Variants in MARK3 observed in about 807,000 individuals in gnomAD.
MARK3 encodes the protein MAP/microtubule affinity-regulating kinase 3.
A neutral mutation model predicts 90.1 loss-of-function variants in MARK3; 46 were observed. The observed-to-expected ratio is 0.51, with a 90% CI of 0.40 to 0.65. The LOEUF (loss-of-function observed/expected upper bound fraction) is 0.65, where lower values mean the gene tolerates loss of function less well. Among genes scored for constraint, MARK3 ranks in the 30% least tolerant of loss-of-function variants. MARK3 has a pLI of 0.00. For synonymous variants in MARK3, 321 were observed against 332.6 expected, an observed-to-expected ratio of 0.97 and a Z score of 0.38; for missense variants, 818 against 947.2, an observed-to-expected ratio of 0.86 and a Z score of 1.79.
chr14:103,491,633 A>T, intron 14 of MARK3, 144 bp from the exon 15 acceptor site: 16 of 763,260 alleles, frequency 2.1e-5, no homozygotes. Flanking sequence ...CACTTAACTT[A>T]CCTTTTGCTC....
At chr14:103,392,866 A>AG (rs1408550722) in intron 1 of MARK3, among the ~76,000 whole-genome samples, 4 of 151,764 alleles carry the variant, frequency 2.6e-5, no homozygotes, top group Non-Finnish European at 5.9e-5. Flanking sequence ...GCTGGAGTGC[A>AG]GTGGCACGAT....
chr14:103,495,829 C>G (rs2075308276), intron 15 of MARK3, among the ~76,000 whole-genome samples: 1 of 152,180 alleles, frequency 6.6e-6, no homozygotes, highest in African/African-American at 2.4e-5. Flanking sequence ...AAAATCCTTG[C>G]TAGAGTGGTT....
chr14:103,386,093 G>T lies in MARK3; in HGVS notation c.51+13G>T. 6.2e-7 allele frequency: 1 copy of T among 1,614,018 alleles called. No homozygotes were observed. The highest frequency in any genetic ancestry group is 1.6e-4 in the Middle Eastern group (1 of 6,062). On this transcript the variant is annotated intron_variant, in intron 1 of 17. Transcript: ENST00000429436. Reference sequence around the variant, plus strand: ...AGACACTGAAAACGTAAGTAACCTGGGCGTTGTAGTTGGCGGACCTTCGGG... The same window carrying T: ...AGACACTGAAAACGTAAGTAACCTGTGCGTTGTAGTTGGCGGACCTTCGGG...
At chr14:103,411,231 A>C (rs2091612854) in intron 2 of MARK3, among the ~76,000 whole-genome samples, 1 of 152,216 alleles carries the variant, frequency 6.6e-6, no homozygotes, top group Non-Finnish European at 1.5e-5. Flanking sequence ...CTGAGACTGC[A>C]TCACTGCACT....
chr14:103,503,291 T>G lies in MARK3; in HGVS notation c.*64T>G. ...GTTTTCCTGAACACTGATGGAAATG[T>G]ATAGAATAATATTTAGGCAATAACG... On this transcript the variant is annotated 3_prime_UTR_variant, in exon 18 of 18. Transcript: ENST00000429436. 3.8e-6 allele frequency: 5 copies of G among 1,300,564 alleles called. No individual in the cohort carries two copies. Among genetic ancestry groups the G allele is most frequent in the Non-Finnish European group, 5.4e-6 (5 of 932,770 alleles). The allele number at this position is 1,300,564 out of a possible 1,614,324, so 80.6% of individuals were successfully genotyped here. A position where few individuals can be genotyped will look rare whatever the true frequency, so the allele number is the denominator to read the frequency against.
chr14:103,465,382 T>C (rs1295780992), intron 7 of MARK3, among the ~76,000 whole-genome samples, 175 bp from the exon 8 acceptor site: 1 of 152,224 alleles, frequency 6.6e-6, no homozygotes, highest in Non-Finnish European at 1.5e-5. Flanking sequence ...GTTAATATTA[T>C]AAAATAAGGA....
rs568549774 is a variant in MARK3 at position 103,449,054 on chromosome 14, A to G, written c.346+87A>G. 223 of 1,329,310 alleles carry G rather than the reference A, an allele frequency of 1.7e-4. 2 individuals are homozygous for G. In the East Asian group the frequency reaches 5.3e-3, roughly 32 times the overall value. 82.3% of individuals were successfully genotyped at this position (1,329,310 alleles called of 1,614,324 possible). Reference sequence around the variant, plus strand: ...GCTAAACACGTATTCTAGAAATGGTAGAGTACACTTCTAGTAAAATATATA... The same window carrying G: ...GCTAAACACGTATTCTAGAAATGGTGGAGTACACTTCTAGTAAAATATATA... On this transcript the variant is annotated intron_variant, in intron 4 of 17. Transcript: ENST00000429436.
rs1389616518 is a variant in MARK3 at position 103,405,414 on chromosome 14, G to C, written c.243+147G>C. 1.4e-5 allele frequency: 8 copies of C among 555,176 alleles called. No individual in the cohort carries two copies. In the African/African-American group the frequency reaches 1.6e-4, roughly 11 times the overall value. 34.4% of individuals were successfully genotyped at this position (555,176 alleles called of 1,614,324 possible). Reference sequence around the variant, plus strand: ...CACCCAGGCTGGAGTGCAGTGGCATGATCTCAGCTCACTGCAAACTCTGCC... The same window carrying C: ...CACCCAGGCTGGAGTGCAGTGGCATCATCTCAGCTCACTGCAAACTCTGCC... On this transcript the variant is annotated intron_variant, in intron 2 of 17. Coordinates refer to ENST00000429436, the MANE Select transcript of MARK3 (RefSeq NM_001128918.3).
At chr14:103,448,010 T>C (rs544785326) in intron 3 of MARK3, among the ~76,000 whole-genome samples, 161 of 152,312 alleles carry the variant, frequency 1.1e-3, no homozygotes, top group Non-Finnish European at 1.6e-3. Flanking sequence ...TGAGCTCAAG[T>C]GATCCACCCA....
At chr14:103,435,700 G>A (rs1161548238) in intron 3 of MARK3, among the ~76,000 whole-genome samples, 21 of 151,804 alleles carry the variant, frequency 1.4e-4, no homozygotes, top group Non-Finnish European at 2.9e-5. Context: ...GAGCCACCAC[G>A]CCCGGCCTAT....
intron 2 of MARK3, among the ~76,000 whole-genome samples, chr14:103,422,937 G>A (rs1231547264): frequency 6.6e-6 from 1 of 152,070 alleles, no homozygotes; most frequent in Non-Finnish European, 1.5e-5. Flanking sequence ...CTTTATAGAA[G>A]GTTAAGTGAA....
At chr14:103,458,935 C>T in intron 6 of MARK3, 2 of 443,048 alleles carry the variant, frequency 4.5e-6, no homozygotes, top group Non-Finnish European at 8.0e-6. Flanking sequence ...TTCTCTGATC[C>T]TGTTTTTAAA....
intron 1 of MARK3, among the ~76,000 whole-genome samples, chr14:103,386,866 A>G (rs1287076647): frequency 6.6e-6 from 1 of 152,172 alleles, no homozygotes. Flanking sequence ...GGAACCTTTG[A>G]TTTTGTTCAT....
chr14:103,414,291 C>T (rs1205406018), intron 2 of MARK3, among the ~76,000 whole-genome samples: 1 of 151,790 alleles, frequency 6.6e-6, no homozygotes, highest in Non-Finnish European at 1.5e-5. Flanking sequence ...CCGCAACCTC[C>T]ACCTCCCAGG....
intron 1 of MARK3, among the ~76,000 whole-genome samples, chr14:103,399,699 CAA>C (rs34202093): frequency 4.7e-5 from 4 of 84,320 alleles, no homozygotes; most frequent in Admixed American, 1.3e-4. Context: ...GACTCCATCT[CAA>C]AAAAAAAAAA....
intron 1 of MARK3, among the ~76,000 whole-genome samples, chr14:103,388,131 A>G (rs532998684): frequency 6.6e-6 from 1 of 152,178 alleles, no homozygotes; most frequent in South Asian, 2.1e-4. Flanking sequence ...GGGTTTCTCC[A>G]TGTTGGTCGT....
chr14:103,457,638 GTT>G (rs2093303885), intron 6 of MARK3, among the ~76,000 whole-genome samples: 1 of 152,140 alleles, frequency 6.6e-6, no homozygotes, highest in Non-Finnish European at 1.5e-5. Context: ...TTCTTGCTTT[GTT>G]TTTACTCTGC....
chr14:103,407,073 G>A (rs988167695), intron 2 of MARK3, among the ~76,000 whole-genome samples: 2 of 151,556 alleles, frequency 1.3e-5, no homozygotes, highest in East Asian at 3.9e-4. Flanking sequence ...CTCGTGATCC[G>A]CCTGCCTCAG....
At chr14:103,394,296 C>T (rs1196954505) in intron 1 of MARK3, among the ~76,000 whole-genome samples, 1 of 152,164 alleles carries the variant, frequency 6.6e-6, no homozygotes, top group African/African-American at 2.4e-5. Flanking sequence ...CTTTAATGTC[C>T]TGTCTCACAC....
Sources: gnomAD v4.1 joint callset for allele counts (sites outside exome capture counted in the v4.1 genomes callset) on GRCh38, gnomAD v4.1.1 for gene constraint, MANE v1.5 for transcripts, NCBI Gene and HGNC (gene_info 2026-07-23, HGNC 2026-07-21) for gene names.